AKR1B15: variants seen among roughly 807,000 people sequenced by gnomAD.
AKR1B15 encodes estradiol 17-beta-dehydrogenase AKR1B15.
Under a neutral mutation model 38.5 loss-of-function variants are expected in AKR1B15, and 49 were observed. The observed-to-expected ratio is 1.27, with a 90% CI of 1.01 to 1.62. The LOEUF is 1.62. Among genes scored for constraint, AKR1B15 ranks in the 40% most tolerant of loss-of-function variants. The pLI, the probability that AKR1B15 is intolerant of heterozygous loss-of-function variation, is 0.00. For synonymous variants in AKR1B15, 137 were observed against 135.5 expected (o/e 1.01, Z -0.08); for missense variants, 411 against 381.6 (o/e 1.08, Z -0.64).
chr7:134,569,573 G>C (rs766726129), intron 5 of AKR1B15, 44 bp downstream of exon 5: 7 of 1,606,548 alleles, frequency 4.4e-6, no homozygotes, highest in Non-Finnish European at 5.1e-6. Context: ...CTGAGCTGTT[G>C]CAGGAATTCA....
chr7:134,572,370 T>C (rs1794685289), intron 6 of AKR1B15, among the ~76,000 whole-genome samples: 1 of 152,160 alleles, frequency 6.6e-6, no homozygotes, highest in South Asian at 2.1e-4. Context: ...CAGGGAACTT[T>C]GTAATCCCAG....
At chr7:134,570,705 G>A (rs1192062007) in intron 5 of AKR1B15, among the ~76,000 whole-genome samples, 1 of 152,192 alleles carries the variant, frequency 6.6e-6, no homozygotes, top group Admixed American at 6.5e-5. Flanking sequence ...GGTGTGGACT[G>A]GAGCAGGAGA....
intron 11 of AKR1B15, 138 bp from the exon 12 acceptor site, chr7:134,579,369 C>G: frequency 1.5e-6 from 1 of 670,154 alleles, no homozygotes; most frequent in Non-Finnish European, 2.4e-6. Flanking sequence ...AAGGTGTAAG[C>G]ACCCTTCTTG....
At chr7:134,557,055 C>G (rs758995314) in intron 2 of AKR1B15, among the ~76,000 whole-genome samples, 196 bp downstream of exon 2, 5 of 152,146 alleles carry the variant, frequency 3.3e-5, no homozygotes, top group African/African-American at 1.2e-4. Flanking sequence ...AAATACTCTT[C>G]AAAGAGTTCG....
At chr7:134,557,281 T>C (rs1311616813) in intron 2 of AKR1B15, among the ~76,000 whole-genome samples, 1 of 152,156 alleles carries the variant, frequency 6.6e-6, no homozygotes, top group Non-Finnish European at 1.5e-5. Context: ...ACGCATAGCT[T>C]CTGTCAATCT....
intron 11 of AKR1B15, among the ~76,000 whole-genome samples, chr7:134,579,135 CG>C (rs1238142327): frequency 1.3e-5 from 2 of 152,150 alleles, no homozygotes; most frequent in Non-Finnish European, 2.9e-5. Context: ...AGCCCTTTTC[CG>C]GTGGTATTAT....
intron 3 of AKR1B15, chr7:134,564,996 C>T (rs955370346): frequency 8.3e-6 from 3 of 362,714 alleles, no homozygotes; most frequent in Non-Finnish European, 1.5e-5. Flanking sequence ...GCAATCAGCA[C>T]TCTGTAACTA....
intron 2 of AKR1B15, among the ~76,000 whole-genome samples, chr7:134,562,878 CT>C (rs766843521): frequency 2.2e-5 from 3 of 135,070 alleles, no homozygotes; most frequent in African/African-American, 8.8e-5. Context: ...TTCTTTCTTT[CT>C]TTCTTTCTTT....
At chr7:134,552,222 G>A (rs1033062752) in intron 1 of AKR1B15, among the ~76,000 whole-genome samples, 2 of 151,976 alleles carry the variant, frequency 1.3e-5, no homozygotes, top group South Asian at 2.1e-4. Context: ...TCTCCTTCTC[G>A]GCCCAACAAA....
At chr7:134,568,001 G>A (rs1481002239) in intron 3 of AKR1B15, among the ~76,000 whole-genome samples, 157 bp from the exon 4 acceptor site, 2 of 152,112 alleles carry the variant, frequency 1.3e-5, no homozygotes, top group African/African-American at 4.8e-5. Flanking sequence ...GGGGATAAGA[G>A]AATATGGTGG....
In AKR1B15 at chr7:134,571,652, G is replaced by A. The variant is rs776935053; in HGVS notation, c.484G>A (p.Gly162Arg). Residue 162 changes from glycine to arginine, a missense_variant, in exon 6 of 12, where the codon GGA (glycine) becomes AGA (arginine). Gly to Arg is a moderately radical substitution (Grantham distance 125). Around this residue, in one of 3 missense-constraint regions of AKR1B15, gnomAD observed 254 missense variants for 212.4 expected, o/e 1.20. Coordinates refer to ENST00000457545, the MANE Select transcript of AKR1B15 (RefSeq NM_001080538.3). ...AGATGATAAAGGTAATATGATCAGT[G>A]GAAAAGGAACGTTCTTGGATGCCTG... ...PKDDKGNMIS[G>R]KGTFLDAWEA... The A allele has an allele frequency of 6.2e-7, 1 of 1,613,724 alleles. No individual in the cohort carries two copies. Among genetic ancestry groups the A allele is most frequent in the South Asian group, 1.1e-5 (1 of 90,972 alleles).
chr7:134,572,452 C>T lies in AKR1B15; in HGVS notation c.513+771C>T, dbSNP rs182815573. Among the ~76,000 whole-genome samples, 38 of 152,122 alleles carry T rather than the reference C, an allele frequency of 2.5e-4. 1 individual carries two copies. In the Middle Eastern group the frequency reaches 0.01, roughly 41 times the overall value. ...GACCAGTCTGGCTAGCAGAGTAAAA[C>T]GCTGTCTCTACTAAAAATACAAAAA... On this transcript the variant is annotated intron_variant, in intron 6 of 11. Coordinates refer to ENST00000457545, the MANE Select transcript of AKR1B15 (RefSeq NM_001080538.3).
At chr7:134,578,349 G>A (rs1469660740) in intron 11 of AKR1B15, among the ~76,000 whole-genome samples, 4 of 152,154 alleles carry the variant, frequency 2.6e-5, no homozygotes, top group Non-Finnish European at 4.4e-5. Context: ...ATATTTGGGG[G>A]AAGAGCATTC....
At chr7:134,555,748 G>A (rs11773449) in intron 1 of AKR1B15, among the ~76,000 whole-genome samples, 6,095 of 152,232 alleles carry the variant, frequency 0.04, 150 homozygotes, top group South Asian at 0.074. Flanking sequence ...TGACCTTGCT[G>A]CAGGGTTCGG....
In AKR1B15 at chr7:134,565,513, C is replaced by T. The variant is rs368476019; in HGVS notation, c.150+744C>T. Reference sequence around the variant, plus strand: ...CGTTTGTGGAGCTCAGTACAAAAGCCAAGATGCCCATTGTGGGCCTGGGCA... The same window carrying T: ...CGTTTGTGGAGCTCAGTACAAAAGCTAAGATGCCCATTGTGGGCCTGGGCA... On this transcript the variant is annotated intron_variant, in intron 3 of 11. Coordinates refer to ENST00000457545, the MANE Select transcript of AKR1B15 (RefSeq NM_001080538.3). 2.5e-6 allele frequency: 4 copies of T among 1,613,886 alleles called. No homozygotes were observed. In the South Asian group the frequency reaches 4.4e-5, roughly 18 times the overall value.
At chr7:134,574,246 G>C (rs1255412826) in intron 6 of AKR1B15, among the ~76,000 whole-genome samples, 1 of 152,116 alleles carries the variant, frequency 6.6e-6, no homozygotes. Context: ...ATTGAGAAGG[G>C]CTGCATAAAG....
At position 134,573,322 on chromosome 7, in the gene AKR1B15, C is replaced by T. The variant is rs914670715; in HGVS notation, c.513+1641C>T. 19 of 972,384 alleles carry T rather than the reference C, an allele frequency of 2.0e-5. No homozygotes were observed. In the African/African-American group the frequency reaches 2.8e-4, roughly 14 times the overall value. 60.2% of individuals were successfully genotyped at this position (972,384 alleles called of 1,614,324 possible). On this transcript the variant is annotated intron_variant, in intron 6 of 11. Transcript: ENST00000457545. ...TTCAGATTACAGGCGTGAGCTATAG[C>T]ACCAGGCTGTTTGCATTACATTTGA...
Position 134,556,073 on chromosome 7 carries a change from T to G in AKR1B15, c.-146-663T>G, listed in dbSNP as rs141889330. Among the ~76,000 whole-genome samples the G allele has an allele frequency of 4.7e-4, 71 of 152,328 alleles. 1 individual carries two copies. In the East Asian group the frequency reaches 0.012, roughly 26 times the overall value. Reference sequence around the variant, plus strand: ...TACAGCATGTCATAGGGATTAAGGCTTTATATTTCAGGATTTGATGTTGGA... The same window carrying G: ...TACAGCATGTCATAGGGATTAAGGCGTTATATTTCAGGATTTGATGTTGGA... On this transcript the variant is annotated intron_variant, in intron 1 of 11. Coordinates refer to ENST00000457545, the MANE Select transcript of AKR1B15 (RefSeq NM_001080538.3).
In AKR1B15 at chr7:134,575,817, G is replaced by A; in HGVS notation, c.637-4G>A. The A allele has an allele frequency of 6.2e-7, 1 of 1,613,728 alleles. No homozygotes were observed. Among genetic ancestry groups the A allele is most frequent in the Non-Finnish European group, 8.5e-7 (1 of 1,179,796 alleles). On this transcript the variant is annotated splice_region_variant and splice_polypyrimidine_tract_variant and intron_variant, in intron 7 of 11. Coordinates refer to ENST00000457545, the MANE Select transcript of AKR1B15 (RefSeq NM_001080538.3). Reference sequence around the variant, plus strand: ...CCCGTGATGAGGATTGTTTGCTGTTGCAGGTTGAGTGTCACCCATACCTCA... The same window carrying A: ...CCCGTGATGAGGATTGTTTGCTGTTACAGGTTGAGTGTCACCCATACCTCA...
Sources: allele counts gnomAD v4.1 joint callset (sites outside exome capture counted in the v4.1 genomes callset), GRCh38; gene constraint gnomAD v4.1.1; regional missense constraint gnomAD v4.1.1; transcripts MANE v1.5; gene names NCBI Gene and HGNC (gene_info 2026-07-23, HGNC 2026-07-21).